The following COL4A2 variants were observed in gnomAD, a reference collection of about 807,000 sequenced individuals.
The protein encoded by COL4A2 is collagen alpha-2(IV) chain.
In COL4A2, 99 loss-of-function variants were observed where a neutral mutation model predicts 200.2. The ratio of observed to expected loss-of-function variants is 0.49; its 90% confidence interval spans 0.42 to 0.58. The LOEUF is 0.58. Among genes scored for constraint, COL4A2 ranks in the 20% least tolerant of loss-of-function variants. The pLI is 0.00. For synonymous variants in COL4A2, 897 were observed against 900.6 expected, an observed-to-expected ratio of 1.00 and a Z score of 0.07; for missense variants, 1,950 against 2,314.1, an observed-to-expected ratio of 0.84 and a Z score of 3.23.
At chr13:110,347,817 G>A (rs1202973176) in intron 3 of COL4A2, among the ~76,000 whole-genome samples, 1 of 152,236 alleles carries the variant, frequency 6.6e-6, no homozygotes, top group Non-Finnish European at 1.5e-5. Flanking sequence ...AATGGAAGGT[G>A]GCCCACTTGG....
rs942019808 is a variant in COL4A2 at position 110,492,127 on chromosome 13, T to A, written c.3512T>A (p.Leu1171Gln). Residue 1171 changes from leucine to glutamine, a missense_variant, in exon 38 of 48, where the codon CTG becomes CAG. This residue lies in a region of COL4A2 where 1,385 missense variants were observed against 1,720.5 expected (regional missense o/e 0.80). Coordinates refer to ENST00000360467, the MANE Select transcript of COL4A2 (RefSeq NM_001846.4). ...CAGGGAGAGCTGGGGCGGATTGGAC[T>A]GCCTGGTGGCAAAGGAGATGATGGC... ...GSQGELGRIG[L>Q]PGGKGDDGWP... 6.4e-6 allele frequency: 10 copies of A among 1,553,574 alleles called. No individual in the cohort carries two copies. In the Admixed American group the frequency reaches 1.8e-4, roughly 27 times the overall value.
intron 3 of COL4A2, among the ~76,000 whole-genome samples, chr13:110,313,325 T>C (rs1885036869): frequency 6.6e-6 from 1 of 152,184 alleles, no homozygotes; most frequent in Non-Finnish European, 1.5e-5. Flanking sequence ...CGGTAATTTT[T>C]ATTTTGGTTA....
At chr13:110,426,074 A>C (rs966826789) in intron 6 of COL4A2, among the ~76,000 whole-genome samples, 1 of 152,346 alleles carries the variant, frequency 6.6e-6, no homozygotes, top group East Asian at 1.9e-4. Flanking sequence ...CATCAGTCAG[A>C]ATCTTGAGAA....
intron 31 of COL4A2, among the ~76,000 whole-genome samples, chr13:110,481,798 C>T (rs137896261): frequency 9.5e-3 from 151 of 15,876 alleles, no homozygotes; most frequent in African/African-American, 0.023. Flanking sequence ...TGCTCTGTCC[C>T]TCCGTTGCTG....
In COL4A2 at chr13:110,318,023, G is replaced by A. The variant is rs575059314; in HGVS notation, c.99+9900G>A. On this transcript the variant is annotated intron_variant, in intron 3 of 47. Transcript: ENST00000360467. ...CTGTTTTTCATGGAAGTCCCCATGC[G>A]CCAACAGGAGGATAGGTGTGGTCTG... Among the ~76,000 whole-genome samples, 7 of 152,272 alleles carry A rather than the reference G, an allele frequency of 4.6e-5. No homozygotes were observed. The South Asian group carries it at 8.3e-4, about 18-fold the overall frequency.
intron 4 of COL4A2, among the ~76,000 whole-genome samples, chr13:110,416,985 CTTT>C (rs72026998): frequency 1.4e-5 from 2 of 143,428 alleles, no homozygotes. Flanking sequence ...GCAGACTTTT[CTTT>C]TTTTTTTTTT....
intron 4 of COL4A2, among the ~76,000 whole-genome samples, chr13:110,366,769 G>A (rs1193505378): frequency 1.3e-5 from 2 of 152,172 alleles, no homozygotes; most frequent in Non-Finnish European, 2.9e-5. Flanking sequence ...TACATTGTCT[G>A]TTACTATCAT....
intron 4 of COL4A2, among the ~76,000 whole-genome samples, chr13:110,417,081 C>T (rs1035963749): frequency 1.3e-5 from 2 of 151,802 alleles, no homozygotes; most frequent in Non-Finnish European, 2.9e-5. Context: ...CCTGGGTTCA[C>T]GCCATTCTTC....
intron 4 of COL4A2, among the ~76,000 whole-genome samples, chr13:110,371,837 C>T (rs978914123): frequency 1.4e-4 from 21 of 152,138 alleles, no homozygotes; most frequent in African/African-American, 3.9e-4. Context: ...GTGCCGGGAG[C>T]TCATTGTCTT....
chr13:110,338,262 T>G lies in COL4A2; in HGVS notation c.100-19210T>G, dbSNP rs192918032. ...GTTAAGGCTGAGCAGTTACTGCATATGAAGGCTCCAATGGTGAGCTTCTAC... is the reference window on the plus strand; with the variant it reads ...GTTAAGGCTGAGCAGTTACTGCATAGGAAGGCTCCAATGGTGAGCTTCTAC... On this transcript the variant is annotated intron_variant, in intron 3 of 47. Coordinates refer to ENST00000360467, the MANE Select transcript of COL4A2 (RefSeq NM_001846.4). Among the ~76,000 whole-genome samples the G allele has an allele frequency of 3.3e-3, 500 of 152,324 alleles. 4 individuals are homozygous for G. The highest frequency in any genetic ancestry group is 0.012 in the African/African-American group (481 of 41,582).
chr13:110,498,605 A>G (rs374954840), intron 40 of COL4A2, among the ~76,000 whole-genome samples: 112 of 152,342 alleles, frequency 7.4e-4, no homozygotes, highest in African/African-American at 2.5e-3. Flanking sequence ...ATCCCCAAGG[A>G]CAGAGATTTA....
chr13:110,385,842 T>C (rs1372323759), intron 4 of COL4A2, among the ~76,000 whole-genome samples: 1 of 131,106 alleles, frequency 7.6e-6, no homozygotes. Flanking sequence ...GGTTACAGTG[T>C]GTGGATAGGC....
rs1293173246 is a variant in COL4A2 at position 110,446,851 on chromosome 13, T to G, written c.1065T>G (p.Pro355=). 1 of 1,611,818 alleles carries G rather than the reference T, an allele frequency of 6.2e-7. No homozygotes were observed. Among genetic ancestry groups the G allele is most frequent in the South Asian group, 1.1e-5 (1 of 91,002 alleles). ...GACTACCTGCCTACTCCCCTCACCC[T>G]TCCCTAGCAAAAGGTGTGTGAACAA... ...PPGLPAYSPH[P]SLAKGARGDP... The change falls in exon 18 of 48, where the codon CCT becomes CCG. Residue 355 remains proline (P), a synonymous_variant. Transcript: ENST00000360467.
At position 110,462,202 on chromosome 13, in the gene COL4A2, G is replaced by T. The variant is rs556022800; in HGVS notation, c.1669+16G>T. ...ACAACCAAAGGTGAGTTCCTCTCTG[G>T]CCACGCGGCCCCTGGGGCACTGAGC... On this transcript the variant is annotated intron_variant, in intron 23 of 47. Coordinates refer to ENST00000360467, the MANE Select transcript of COL4A2 (RefSeq NM_001846.4). 3.1e-6 allele frequency: 5 copies of T among 1,614,250 alleles called. No individual in the cohort carries two copies. The African/African-American group carries it at 6.7e-5, about 22-fold the overall frequency.
intron 4 of COL4A2, among the ~76,000 whole-genome samples, chr13:110,394,558 TC>T (rs1566510035): frequency 6.6e-6 from 1 of 152,200 alleles, no homozygotes. Flanking sequence ...TGACCTATGT[TC>T]ATTTCCTAAC....
rs536480845 is a variant in COL4A2 at position 110,482,713 on chromosome 13, C to T, written c.2902+54C>T. 761 of 1,568,432 alleles carry T rather than the reference C, an allele frequency of 4.9e-4. 11 individuals are homozygous for T. The South Asian group carries it at 7.0e-3, about 14-fold the overall frequency. On this transcript the variant is annotated intron_variant, in intron 32 of 47. Coordinates refer to ENST00000360467, the MANE Select transcript of COL4A2 (RefSeq NM_001846.4). ...CCTGGTCATGGTGGCATCCTCCTTA[C>T]CCTTTCTTGGTGGCATAACATTGCC...
intron 3 of COL4A2, among the ~76,000 whole-genome samples, chr13:110,311,215 A>G (rs1884972474): frequency 1.3e-5 from 2 of 152,304 alleles, no homozygotes; most frequent in African/African-American, 4.8e-5. Context: ...AAGGGAGGAA[A>G]GGAAGCCGAA....
chr13:110,509,440 A>T (rs1884011790), intron 47 of COL4A2, among the ~76,000 whole-genome samples: 1 of 152,088 alleles, frequency 6.6e-6, no homozygotes, highest in Non-Finnish European at 1.5e-5. Context: ...GAGCAACAGG[A>T]TGCTAAATCC....
chr13:110,439,022 A>G (rs1173937788), intron 15 of COL4A2, among the ~76,000 whole-genome samples: 2 of 152,200 alleles, frequency 1.3e-5, no homozygotes, highest in African/African-American at 4.8e-5. Flanking sequence ...AATGTAGAAT[A>G]TCTCAAACAC....
Sources: allele counts gnomAD v4.1 joint callset (sites outside exome capture counted in the v4.1 genomes callset), GRCh38; gene constraint gnomAD v4.1.1; regional missense constraint gnomAD v4.1.1; transcripts MANE v1.5; gene names NCBI Gene and HGNC (gene_info 2026-07-23, HGNC 2026-07-21).